The following NME7 variants were observed in gnomAD, a reference collection of about 807,000 sequenced individuals.
The protein encoded by NME7 is nucleoside diphosphate kinase 7.
NME7 carries 41 observed loss-of-function variants against 49.1 expected under a neutral mutation model. The ratio of observed to expected loss-of-function variants is 0.83; its 90% CI spans 0.65 to 1.08. The LOEUF (loss-of-function observed/expected upper bound fraction) is 1.08, where lower values mean the gene tolerates loss of function less well. Among genes scored for constraint, NME7 ranks in the 50% least tolerant of loss-of-function variants. NME7 has a pLI of 0.00. For synonymous variants in NME7, 139 were observed against 150.6 expected (o/e 0.92, Z 0.56); for missense variants, 423 against 463.4 (o/e 0.91, Z 0.80).
intron 7 of NME7, among the ~76,000 whole-genome samples, chr1:169,248,906 C>A (rs1253898315): frequency 6.6e-6 from 1 of 151,030 alleles, no homozygotes. Flanking sequence ...TAATGTGATG[C>A]CTCTACGTCT....
chr1:169,344,882 C>T (rs1033373645), intron 1 of NME7, among the ~76,000 whole-genome samples: 3 of 152,126 alleles, frequency 2.0e-5, no homozygotes, highest in Non-Finnish European at 4.4e-5. Flanking sequence ...GTACTTCCTC[C>T]TCTGTTTTCC....
chr1:169,163,961 T>C (rs1659323703), intron 11 of NME7, among the ~76,000 whole-genome samples: 1 of 151,826 alleles, frequency 6.6e-6, no homozygotes, highest in Non-Finnish European at 1.5e-5. Flanking sequence ...ATACAAAAAA[T>C]TAGCTGGGCG....
rs564396432 is a variant in NME7, at chr1:169,312,491, C to G, written c.279-2411G>C. Among the ~76,000 whole-genome samples the G allele has an allele frequency of 6.5e-4, 99 of 152,198 alleles. 1 individual carries two copies. In the Middle Eastern group the frequency reaches 0.014, roughly 21 times the overall value. On this transcript the variant is annotated intron_variant, in intron 3 of 11. Transcript: ENST00000367811. ...TGTAAGATGCAGCGTGAGATATTCT[C>G]AAAAGAAAACAAAACATTATAAAAA...
chr1:169,290,980 G>A (rs887177992), intron 6 of NME7, among the ~76,000 whole-genome samples: 2 of 152,168 alleles, frequency 1.3e-5, no homozygotes, highest in African/African-American at 4.8e-5. Context: ...ATGCCAGTTA[G>A]AATGATGATC....
At chr1:169,276,745 G>T (rs1649748365) in intron 7 of NME7, among the ~76,000 whole-genome samples, 1 of 132,772 alleles carries the variant, frequency 7.5e-6, no homozygotes, top group Non-Finnish European at 1.8e-5. Flanking sequence ...AATGTTGTTT[G>T]CTCTTGCTTT....
rs1409061408 is a variant in NME7 at position 169,264,676 on chromosome 1, A to T, written c.754+22627T>A. Among the ~76,000 whole-genome samples, 3 of 133,480 alleles carry T rather than the reference A, an allele frequency of 2.2e-5. 1 individual carries two copies. In the East Asian group the frequency reaches 6.0e-4, roughly 27 times the overall value. 87.6% of individuals were successfully genotyped at this position (133,480 alleles called of 152,430 possible). On this transcript the variant is annotated intron_variant, in intron 7 of 11. Transcript: ENST00000367811. ...TACACAATAATAGTGGGAGACATCA[A>T]CACCCTACTGACAGTAATAGATCAT...
At chr1:169,197,392 T>G (rs1218557162) in intron 10 of NME7, among the ~76,000 whole-genome samples, 1 of 141,686 alleles carries the variant, frequency 7.1e-6, no homozygotes, top group African/African-American at 2.5e-5. Context: ...AACTGTGTAT[T>G]AATTAAAAAC....
chr1:169,348,384 C>T (rs1028832126), intron 1 of NME7, among the ~76,000 whole-genome samples: 9 of 143,792 alleles, frequency 6.3e-5, no homozygotes, highest in African/African-American at 2.3e-4. Flanking sequence ...AAAAAACCCA[C>T]ATTTTCAAGC....
intron 11 of NME7, among the ~76,000 whole-genome samples, chr1:169,135,042 T>C (rs74650171): frequency 1.9e-5 from 1 of 52,644 alleles, no homozygotes; most frequent in South Asian, 6.3e-4. Flanking sequence ...AAAAAAAAAA[T>C]AGCCGAGCAT....
chr1:169,346,378 T>C (rs950909668), intron 1 of NME7, among the ~76,000 whole-genome samples: 1 of 152,164 alleles, frequency 6.6e-6, no homozygotes, highest in Non-Finnish European at 1.5e-5. Flanking sequence ...CCACACTGTT[T>C]CTTGAACATA....
At chr1:169,151,911 C>A (rs1658926493) in intron 11 of NME7, among the ~76,000 whole-genome samples, 1 of 152,124 alleles carries the variant, frequency 6.6e-6, no homozygotes, top group Admixed American at 6.5e-5. Context: ...CTCATGGGAG[C>A]CCTCCCATGA....
At chr1:169,308,570 A>T (rs543173027) in intron 4 of NME7, among the ~76,000 whole-genome samples, 2 of 152,330 alleles carry the variant, frequency 1.3e-5, no homozygotes, top group Admixed American at 1.3e-4. Flanking sequence ...TTCATCTTCC[A>T]GAATGTTTCA....
intron 11 of NME7, among the ~76,000 whole-genome samples, chr1:169,141,540 T>C (rs1335938722): frequency 6.6e-6 from 1 of 151,904 alleles, no homozygotes; most frequent in Non-Finnish European, 1.5e-5. Flanking sequence ...TACGAGGCCA[T>C]CAATGCTGAT....
chr1:169,335,599 G>A (rs1156832636), intron 1 of NME7, among the ~76,000 whole-genome samples: 1 of 151,596 alleles, frequency 6.6e-6, no homozygotes, highest in Non-Finnish European at 1.5e-5. Context: ...GTCAATAGGT[G>A]CAGCAAATCA....
At chr1:169,242,395 C>G (rs1416728061) in intron 7 of NME7, among the ~76,000 whole-genome samples, 1 of 151,410 alleles carries the variant, frequency 6.6e-6, no homozygotes, top group Non-Finnish European at 1.5e-5. Context: ...ATCAAAAAAA[C>G]TGTAAGAAAA....
chr1:169,252,879 C>T (rs1358953125), intron 7 of NME7, among the ~76,000 whole-genome samples: 64 of 148,440 alleles, frequency 4.3e-4, no homozygotes, highest in African/African-American at 6.0e-4. Context: ...TGTAGATATG[C>T]GGTGTTATTT....
intron 7 of NME7, among the ~76,000 whole-genome samples, chr1:169,250,111 T>A (rs1412457508): frequency 6.6e-6 from 1 of 152,078 alleles, no homozygotes; most frequent in African/African-American, 2.4e-5. Flanking sequence ...AAGCTATTTT[T>A]TTTTCTTGGC....
At chr1:169,257,294 AG>A (rs1648988658) in intron 7 of NME7, among the ~76,000 whole-genome samples, 1 of 134,514 alleles carries the variant, frequency 7.4e-6, no homozygotes, top group African/African-American at 2.5e-5. Flanking sequence ...CTGTCAGAAA[AG>A]CGCAGTATTT....
chr1:169,320,011 T>A (rs1303270330), intron 3 of NME7, among the ~76,000 whole-genome samples: 1 of 152,194 alleles, frequency 6.6e-6, no homozygotes, highest in African/African-American at 2.4e-5. Flanking sequence ...ACTTATCACA[T>A]GGGGAATAGC....
Sources: gnomAD v4.1 joint callset for allele counts (sites outside exome capture counted in the v4.1 genomes callset) on GRCh38, gnomAD v4.1.1 for gene constraint, MANE v1.5 for transcripts, NCBI Gene and HGNC (gene_info 2026-07-23, HGNC 2026-07-21) for gene names.